The following ATP11A variants were observed in gnomAD, a reference collection of about 807,000 sequenced individuals.
ATP11A encodes the protein ATPase phospholipid transporting 11A, also known as phospholipid-transporting ATPase IH.
ATP11A carries 81 observed loss-of-function variants against 154.4 expected under a neutral mutation model. The observed-to-expected ratio is 0.52, with a 90% confidence interval of 0.44 to 0.63. The LOEUF (loss-of-function observed/expected upper bound fraction) is 0.63, where lower values mean the gene tolerates loss of function less well. Ranked by LOEUF, ATP11A falls within the 30% of genes least tolerant of loss-of-function variation. ATP11A has a pLI of 0.00. For missense variants in ATP11A, 1,316 were observed against 1,474.3 expected (o/e 0.89, Z 1.76); for synonymous variants, 623 against 585.9 (o/e 1.06, Z -0.91).
intron 1 of ATP11A, among the ~76,000 whole-genome samples, chr13:112,765,143 GC>G (rs1179660080): frequency 1.5e-4 from 8 of 54,774 alleles, no homozygotes; most frequent in African/African-American, 2.4e-4. Context: ...TGGCTGGCTT[GC>G]CCCCCCTCCC....
chr13:112,862,324 G>C (rs2080133569), intron 24 of ATP11A, 116 bp from the exon 25 acceptor site: 9 of 1,254,554 alleles, frequency 7.2e-6, no homozygotes, highest in Non-Finnish European at 8.8e-6. Flanking sequence ...ATGTTTACTG[G>C]CCGTGCACAT....
intron 9 of ATP11A, 93 bp downstream of exon 9, chr13:112,823,502 T>C: frequency 9.4e-7 from 1 of 1,065,886 alleles, no homozygotes; most frequent in Non-Finnish European, 1.4e-6. Context: ...AGAGCGTTTC[T>C]TGGCACCTTG....
chr13:112,880,531 T>G (rs1310406150), intron 29 of ATP11A: 1 of 1,296,388 alleles, frequency 7.7e-7, no homozygotes, highest in Non-Finnish European at 1.0e-6. Flanking sequence ...CTCAGTATCT[T>G]TCCTCGCCTT....
At chr13:112,692,950 GGATA>G in intron 1 of ATP11A, among the ~76,000 whole-genome samples, 1 of 152,116 alleles carries the variant, frequency 6.6e-6, no homozygotes, top group South Asian at 2.1e-4. Flanking sequence ...TTATTAAAAA[GGATA>G]GATAAATAGA....
intron 24 of ATP11A, among the ~76,000 whole-genome samples, chr13:112,862,016 C>T (rs867478070): frequency 1.1e-5 from 1 of 93,060 alleles, no homozygotes; most frequent in African/African-American, 3.3e-5. Context: ...TCACAGCAGG[C>T]GTAAGGCGTC....
chr13:112,832,442 G>A (rs1327092452), intron 13 of ATP11A, among the ~76,000 whole-genome samples: 4 of 152,200 alleles, frequency 2.6e-5, no homozygotes, highest in Non-Finnish European at 5.9e-5. Context: ...CACACGCTTT[G>A]GTTAGGAGAA....
At chr13:112,707,788 A>G (rs1887315091) in intron 1 of ATP11A, among the ~76,000 whole-genome samples, 1 of 152,182 alleles carries the variant, frequency 6.6e-6, no homozygotes, top group South Asian at 2.1e-4. Flanking sequence ...ACCAGTGACA[A>G]CCGGCTCAGT....
In ATP11A at chr13:112,882,041, T is replaced by C; in HGVS notation, c.*175T>C. The stretch of plus-strand genomic sequence containing the variant: ...CATCCCAAGTCACAGCTGCCCTAGG[T>C]CCCGTGTGGGAATGCTCGTGTGATG... On this transcript the variant is annotated 3_prime_UTR_variant, in exon 30 of 30. Coordinates refer to ENST00000375645, the MANE Select transcript of ATP11A (RefSeq NM_015205.3). This position sits in a 1 kb window ranked among gnomAD's most constrained non-coding sequence, Gnocchi z 5.1. 7.3e-7 allele frequency: 1 copy of C among 1,367,618 alleles called. No individual in the cohort carries two copies. The highest frequency in any genetic ancestry group is 9.8e-7 in the Non-Finnish European group (1 of 1,021,930). 84.7% of individuals were successfully genotyped at this position (1,367,618 alleles called of 1,614,324 possible). A position where few individuals can be genotyped will look rare whatever the true frequency, so the allele number is the denominator to read the frequency against.
At chr13:112,795,476 C>G (rs1312097329) in intron 2 of ATP11A, among the ~76,000 whole-genome samples, 4 of 152,208 alleles carry the variant, frequency 2.6e-5, no homozygotes, top group Non-Finnish European at 4.4e-5. Flanking sequence ...CAGCCTGTTG[C>G]ATCTGCACCT....
At chr13:112,774,323 G>A (rs9604437) in intron 1 of ATP11A, among the ~76,000 whole-genome samples, 14,397 of 152,150 alleles carry the variant, frequency 0.095, 1,036 homozygotes, top group African/African-American at 0.19. Flanking sequence ...CAAAGCTTCC[G>A]GTATCTCCAG....
At chr13:112,761,810 G>T (rs996965044) in intron 1 of ATP11A, among the ~76,000 whole-genome samples, 9 of 152,182 alleles carry the variant, frequency 5.9e-5, no homozygotes, top group Non-Finnish European at 8.8e-5. Context: ...GTGTGGCCCC[G>T]GCTGGAACAC....
intron 1 of ATP11A, among the ~76,000 whole-genome samples, chr13:112,734,586 T>C (rs1346919251): frequency 6.6e-6 from 1 of 152,144 alleles, no homozygotes; most frequent in Non-Finnish European, 1.5e-5. Context: ...ACTCAAAAAA[T>C]AAATATCAGT....
At chr13:112,780,147 A>G (rs1010726903) in intron 1 of ATP11A, among the ~76,000 whole-genome samples, 4 of 152,020 alleles carry the variant, frequency 2.6e-5, no homozygotes, top group African/African-American at 9.7e-5. Context: ...AAAAATACTT[A>G]CAACATTTTT....
chr13:112,742,303 G>C (rs980630871), intron 1 of ATP11A, among the ~76,000 whole-genome samples: 2 of 152,162 alleles, frequency 1.3e-5, no homozygotes, highest in African/African-American at 2.4e-5. Flanking sequence ...CCTGTGGAAG[G>C]GGGTGCTGTC....
chr13:112,692,620 A>G (rs373466411), intron 1 of ATP11A, among the ~76,000 whole-genome samples: 6 of 151,962 alleles, frequency 3.9e-5, no homozygotes, highest in East Asian at 4.0e-4. Flanking sequence ...CAGCATATAC[A>G]TTATTGGATA....
At chr13:112,832,759 ACC>A (rs3215888) in intron 13 of ATP11A, 99 bp from the exon 14 acceptor site, 1 of 1,415,654 alleles carries the variant, frequency 7.1e-7, no homozygotes, top group Non-Finnish European at 9.6e-7. Flanking sequence ...GGCCGCGGGG[ACC>A]CCCCCCACCC....
chr13:112,798,538 TG>T (rs2078056754), intron 2 of ATP11A, among the ~76,000 whole-genome samples: 1 of 152,168 alleles, frequency 6.6e-6, no homozygotes, highest in Non-Finnish European at 1.5e-5. Flanking sequence ...AGCAGTGCCC[TG>T]GGGGGCAAGA....
At position 112,741,018 on chromosome 13, in the gene ATP11A, C is replaced by T. The variant is rs546835318; in HGVS notation, c.40-44117C>T. 1.4e-4 allele frequency among the ~76,000 whole-genome samples: 21 copies of T among 152,294 alleles called. No homozygotes were observed. The South Asian group carries it at 2.9e-3, about 21-fold the overall frequency. On this transcript the variant is annotated intron_variant, in intron 1 of 29. Transcript: ENST00000375645. ...AGAACCAAACAAGCAAGGCACAGCA[C>T]GGGTCTGAATCACTTACATGGGCCT... is the stretch of plus-strand genomic sequence containing the variant.
At chr13:112,771,266 T>A (rs1268327230) in intron 1 of ATP11A, among the ~76,000 whole-genome samples, 1 of 152,176 alleles carries the variant, frequency 6.6e-6, no homozygotes, top group Non-Finnish European at 1.5e-5. Context: ...ATTTTCTGAT[T>A]GAACTTCGAA....
Sources: allele counts gnomAD v4.1 joint callset (sites outside exome capture counted in the v4.1 genomes callset), GRCh38; gene constraint gnomAD v4.1.1; non-coding constraint Gnocchi (gnomAD v3.1); transcripts MANE v1.5; gene names NCBI Gene and HGNC (gene_info 2026-07-23, HGNC 2026-07-21).